The following PDZD8 variants were observed in gnomAD, a reference collection of about 807,000 sequenced individuals.
PDZD8 encodes PDZ domain containing 8, also known as PDZ domain-containing protein 8.
PDZD8 carries 14 observed loss-of-function variants against 85.8 expected under a neutral mutation model. That is an observed-to-expected ratio of 0.16 (90% confidence interval 0.11 to 0.26). The LOEUF (loss-of-function observed/expected upper bound fraction) is 0.26. Among genes scored for constraint, PDZD8 ranks in the 10% least tolerant of loss-of-function variants. PDZD8 has a pLI of 1.00. For synonymous variants in PDZD8, 592 were observed against 568.6 expected (o/e 1.04, Z -0.59); for missense variants, 1,197 against 1,424.3 (o/e 0.84, Z 2.57).
intron 4 of PDZD8, among the ~76,000 whole-genome samples, chr10:117,288,503 A>T (rs1333260648): frequency 6.6e-6 from 1 of 152,068 alleles, no homozygotes; most frequent in Non-Finnish European, 1.5e-5. Flanking sequence ...CCTTCATCTT[A>T]ATACATATTA....
At chr10:117,313,201 C>A (rs1462185210) in intron 3 of PDZD8, among the ~76,000 whole-genome samples, 1 of 152,148 alleles carries the variant, frequency 6.6e-6, no homozygotes, top group Non-Finnish European at 1.5e-5. Context: ...ACCCACTAGT[C>A]ACATGCTTCT....
intron 2 of PDZD8, among the ~76,000 whole-genome samples, chr10:117,325,404 C>CTTTTTTTTTTTTT (rs71013659): frequency 0.016 from 1,620 of 99,664 alleles, 128 homozygotes; most frequent in Non-Finnish European, 0.02. Context: ...GAAAAGCCAA[C>CTTTTTTTTTTTTT]TTTTTTTTTT....
intron 4 of PDZD8, among the ~76,000 whole-genome samples, chr10:117,287,668 G>T (rs1332525553): frequency 1.3e-5 from 2 of 152,132 alleles, no homozygotes; most frequent in Admixed American, 6.5e-5. Context: ...TCCCTGTTCA[G>T]ATCCTCCTGA....
At chr10:117,305,471 T>TACACACACACACACACACACACAC (rs57037106) in intron 3 of PDZD8, among the ~76,000 whole-genome samples, 2 of 141,764 alleles carry the variant, frequency 1.4e-5, no homozygotes, top group African/African-American at 2.7e-5. Context: ...TACACACACA[T>TACACACACACACACACACACACAC]ACACACACAC....
chr10:117,283,264 T>A lies in PDZD8; in HGVS notation c.*4A>T. 1 of 1,599,960 alleles carries A rather than the reference T, an allele frequency of 6.3e-7. No homozygotes were observed. Among genetic ancestry groups the A allele is most frequent in the Non-Finnish European group, 8.5e-7 (1 of 1,175,078 alleles). On this transcript the variant is annotated 3_prime_UTR_variant, in exon 5 of 5. Coordinates refer to ENST00000334464, the MANE Select transcript of PDZD8 (RefSeq NM_173791.5). ...TCATTTGAAAGCTTAAATAGACCTGTCTGCTACACAGACTCGGATGGGCCA... is the reference window on the plus strand; with the variant it reads ...TCATTTGAAAGCTTAAATAGACCTGACTGCTACACAGACTCGGATGGGCCA...
intron 3 of PDZD8, among the ~76,000 whole-genome samples, chr10:117,312,338 C>T (rs529783454): frequency 2.0e-4 from 30 of 152,072 alleles, no homozygotes; most frequent in Non-Finnish European, 3.8e-4. Flanking sequence ...ACCAGGCCTG[C>T]GAGGGCTGGA....
chr10:117,291,369 A>C (rs1002889867), intron 3 of PDZD8, among the ~76,000 whole-genome samples: 9 of 151,754 alleles, frequency 5.9e-5, no homozygotes, highest in Non-Finnish European at 1.3e-4. Context: ...TCTCTACTAA[A>C]AATACAAAAA....
chr10:117,290,546 A>G (rs141838313), intron 3 of PDZD8, among the ~76,000 whole-genome samples, 198 bp from the exon 4 acceptor site: 1 of 152,316 alleles, frequency 6.6e-6, no homozygotes, highest in African/African-American at 2.4e-5. Flanking sequence ...TAAATCATCA[A>G]AAAAATTAAA....
At chr10:117,309,226 CT>C (rs1475231308) in intron 3 of PDZD8, among the ~76,000 whole-genome samples, 2 of 152,028 alleles carry the variant, frequency 1.3e-5, no homozygotes, top group African/African-American at 4.8e-5. Context: ...CTGTTGCCTC[CT>C]TTAACTTGCT....
chr10:117,313,524 A>T (rs1844073673), intron 3 of PDZD8, among the ~76,000 whole-genome samples: 1 of 152,176 alleles, frequency 6.6e-6, no homozygotes, highest in Non-Finnish European at 1.5e-5. Flanking sequence ...CATTCAGGAC[A>T]CTATACCTGA....
At chr10:117,330,836 C>T (rs989734137) in intron 2 of PDZD8, among the ~76,000 whole-genome samples, 2 of 150,102 alleles carry the variant, frequency 1.3e-5, no homozygotes, top group Non-Finnish European at 3.0e-5. Context: ...GGCCCTGAGA[C>T]ATCTACACTT....
chr10:117,340,656 C>G (rs1171868281), intron 2 of PDZD8, among the ~76,000 whole-genome samples: 1 of 152,136 alleles, frequency 6.6e-6, no homozygotes, highest in African/African-American at 2.4e-5. Flanking sequence ...TAATAAGTAT[C>G]ATTGAGTAAT....
At chr10:117,339,622 C>T (rs923975713) in intron 2 of PDZD8, among the ~76,000 whole-genome samples, 3 of 152,150 alleles carry the variant, frequency 2.0e-5, no homozygotes, top group Non-Finnish European at 4.4e-5. Context: ...ATGAAAATTA[C>T]AAAATTCATA....
At chr10:117,301,914 T>C (rs1419606196) in intron 3 of PDZD8, among the ~76,000 whole-genome samples, 2 of 151,954 alleles carry the variant, frequency 1.3e-5, no homozygotes, top group Non-Finnish European at 2.9e-5. Context: ...CACCCTTGAG[T>C]GTAAGGTAAC....
At chr10:117,340,339 G>A (rs910047995) in intron 2 of PDZD8, among the ~76,000 whole-genome samples, 6 of 152,198 alleles carry the variant, frequency 3.9e-5, no homozygotes, top group African/African-American at 1.4e-4. Flanking sequence ...TGCGAAGTCA[G>A]TTTAGCAAGA....
chr10:117,361,097 A>G (rs555345241), intron 1 of PDZD8, among the ~76,000 whole-genome samples: 7 of 152,218 alleles, frequency 4.6e-5, no homozygotes, highest in Non-Finnish European at 1.0e-4. Flanking sequence ...TATTTGCGAG[A>G]GAACAAGGGT....
At chr10:117,361,868 T>C (rs1845004111) in intron 1 of PDZD8, among the ~76,000 whole-genome samples, 1 of 152,190 alleles carries the variant, frequency 6.6e-6, no homozygotes. Context: ...ATTTACATTG[T>C]ATTAGGCATT....
At chr10:117,365,581 A>G (rs1255727186) in intron 1 of PDZD8, among the ~76,000 whole-genome samples, 2 of 152,226 alleles carry the variant, frequency 1.3e-5, no homozygotes, top group African/African-American at 4.8e-5. Flanking sequence ...CCTAGAAAAT[A>G]TCTGATATAT....
intron 2 of PDZD8, among the ~76,000 whole-genome samples, chr10:117,332,572 T>C (rs1316926583): frequency 6.7e-6 from 1 of 149,284 alleles, no homozygotes; most frequent in Non-Finnish European, 1.5e-5. Context: ...AATGGCGCCA[T>C]CTTGACTCAC....
Sources: allele counts gnomAD v4.1 joint callset (sites outside exome capture counted in the v4.1 genomes callset), GRCh38; gene constraint gnomAD v4.1.1; transcripts MANE v1.5; gene names NCBI Gene and HGNC (gene_info 2026-07-23, HGNC 2026-07-21).